The following DDX6 variants were observed in gnomAD, a reference collection of about 807,000 sequenced individuals.
DDX6 encodes the protein DEAD-box helicase 6, also known as probable ATP-dependent RNA helicase DDX6.
DDX6 carries 7 observed loss-of-function variants against 60.6 expected under a neutral mutation model. That is an observed-to-expected ratio of 0.12 (90% CI 0.07 to 0.22). DDX6 has a LOEUF of 0.22. Among genes scored for constraint, DDX6 ranks in the 10% least tolerant of loss-of-function variants. The probability of loss-of-function intolerance (pLI) is 1.00; values close to 1 mark genes in which losing one functional copy is unlikely to be tolerated. For synonymous variants in DDX6, 207 were observed against 201.0 expected, an observed-to-expected ratio of 1.03 and a Z score of -0.25; for missense variants, 270 against 589.9, an observed-to-expected ratio of 0.46 and a Z score of 5.62.
At chr11:118,791,182 C>A, upstream of DDX6, 1 of 152,264 alleles carries the variant, frequency 6.6e-6, no homozygotes, top group South Asian at 2.1e-4. Flanking sequence ...CCCTCGCTCG[C>A]CCGTTCGCCC....
rs544443223 is a variant in DDX6 at position 118,771,837 on chromosome 11, T to C, written c.370-3485A>G. Among the ~76,000 whole-genome samples the C allele has an allele frequency of 3.3e-5, 5 of 152,342 alleles. No homozygotes were observed. The East Asian group carries it at 9.6e-4, about 29-fold the overall frequency. ...TGGAGAAAATGGAACTCTCATACAC[T>C]GCTAGTGGGAATGTACAGCTACGCT... On this transcript the variant is annotated intron_variant, in intron 4 of 13. Transcript: ENST00000534980.
At chr11:118,763,976 A>C (rs1168215245) in intron 6 of DDX6, among the ~76,000 whole-genome samples, 1 of 152,050 alleles carries the variant, frequency 6.6e-6, no homozygotes, top group Non-Finnish European at 1.5e-5. Flanking sequence ...TATTTGTTTC[A>C]CCTCTACATT....
chr11:118,780,466 G>A (rs185507374), intron 3 of DDX6, among the ~76,000 whole-genome samples: 58 of 152,148 alleles, frequency 3.8e-4, no homozygotes, highest in African/African-American at 1.1e-3. Flanking sequence ...ACAGGCGCAC[G>A]CCACCACACC....
intron 6 of DDX6, among the ~76,000 whole-genome samples, chr11:118,764,317 A>G (rs1238830092): frequency 6.6e-6 from 1 of 152,190 alleles, no homozygotes; most frequent in Non-Finnish European, 1.5e-5. Context: ...CTTCATGAAA[A>G]TGAATACAGG....
At chr11:118,781,027 T>G (rs536012073) in intron 3 of DDX6, 94 bp downstream of exon 3, 1 of 795,164 alleles carries the variant, frequency 1.3e-6, no homozygotes, top group East Asian at 2.7e-5. Context: ...GGTGTTATGG[T>G]CCTGAAACCA....
chr11:118,784,438 G>C lies in DDX6; in HGVS notation c.200+1614C>G, dbSNP rs550980119. Among the ~76,000 whole-genome samples the C allele has an allele frequency of 2.6e-5, 4 of 151,790 alleles. No homozygotes were observed. In the East Asian group the frequency reaches 7.7e-4, roughly 29 times the overall value. Reference sequence around the variant, plus strand: ...GTCAACATCTTATAAAGATTCCCAGGGTTAAATTATTTTATATGGCAAGTT... The same window carrying C: ...GTCAACATCTTATAAAGATTCCCAGCGTTAAATTATTTTATATGGCAAGTT... On this transcript the variant is annotated intron_variant, in intron 2 of 13. Coordinates refer to ENST00000534980, the MANE Select transcript of DDX6 (RefSeq NM_004397.6).
intron 13 of DDX6, among the ~76,000 whole-genome samples, chr11:118,753,629 C>T (rs990294935): frequency 5.3e-5 from 8 of 152,030 alleles, no homozygotes; most frequent in African/African-American, 1.4e-4. Flanking sequence ...TGAGCCACCG[C>T]ACCCGGCCCA....
chr11:118,750,978 C>G lies in DDX6; in HGVS notation c.*1127G>C, dbSNP rs1346517876. 1.3e-5 allele frequency: 2 copies of G among 151,850 alleles called. No individual in the cohort carries two copies. The highest frequency in any genetic ancestry group is 4.9e-5 in the African/African-American group (2 of 41,174). The allele number at this position is 151,850 out of a possible 1,614,324, so 9.4% of individuals were successfully genotyped here. A position where few individuals can be genotyped will look rare whatever the true frequency, so the allele number is the denominator to read the frequency against. On this transcript the variant is annotated 3_prime_UTR_variant, in exon 14 of 14. Transcript: ENST00000534980. ...TTCTAGAATTTAGTGTTGCGTAAAA[C>G]TGAGCCCCTCTCATCTTTAGCTGCT...
chr11:118,775,081 G>A (rs976121460), intron 4 of DDX6, among the ~76,000 whole-genome samples: 2 of 152,148 alleles, frequency 1.3e-5, no homozygotes, highest in African/African-American at 2.4e-5. Context: ...TTGGGAGGCC[G>A]AGGAGAGTGG....
Position 118,786,270 on chromosome 11 carries a change from G to T in DDX6, c.-19C>A. On this transcript the variant is annotated 5_prime_UTR_variant, in exon 2 of 14. Transcript: ENST00000534980. ...TGCTCATGCTGTTTTAATTGCAAAGGTCTTTCAAACTTCAAAACTTTTGAA... is the reference window on the plus strand; with the variant it reads ...TGCTCATGCTGTTTTAATTGCAAAGTTCTTTCAAACTTCAAAACTTTTGAA... 1.3e-6 allele frequency: 2 copies of T among 1,578,948 alleles called. No individual in the cohort carries two copies. The highest frequency in any genetic ancestry group is 1.7e-6 in the Non-Finnish European group (2 of 1,162,494).
intron 4 of DDX6, among the ~76,000 whole-genome samples, chr11:118,771,732 G>C (rs1555162607): frequency 6.6e-6 from 1 of 152,250 alleles, no homozygotes; most frequent in Non-Finnish European, 1.5e-5. Flanking sequence ...AACAGGATTA[G>C]TTTGCCCAAG....
chr11:118,753,250 G>C (rs1381433281), intron 13 of DDX6, among the ~76,000 whole-genome samples: 2 of 151,046 alleles, frequency 1.3e-5, no homozygotes, highest in African/African-American at 4.9e-5. Context: ...GGCTGGTCTT[G>C]AAGTCCTGAC....
chr11:118,789,036 CCCTA>C (rs1862176260), intron 1 of DDX6: 1 of 151,162 alleles, frequency 6.6e-6, no homozygotes, highest in Admixed American at 6.6e-5. Context: ...GAAAACAAAG[CCCTA>C]CTCTGTTGGC....
chr11:118,771,121 AG>A (rs1413601582), intron 4 of DDX6, among the ~76,000 whole-genome samples: 5 of 152,132 alleles, frequency 3.3e-5, no homozygotes, highest in Non-Finnish European at 7.3e-5. Context: ...CTGTGGTGCC[AG>A]TAGTCTGTAG....
At chr11:118,774,527 GAC>G (rs1408704035) in intron 4 of DDX6, among the ~76,000 whole-genome samples, 1 of 140,208 alleles carries the variant, frequency 7.1e-6, no homozygotes, top group African/African-American at 2.7e-5. Flanking sequence ...GGAGTGCAGT[GAC>G]ACAATCCTGG....
rs1555160617 is a variant in DDX6 at position 118,763,204 on chromosome 11, G to C, written c.741+8C>G. ...AGAACAGTATAATGCCAAATGAAGA[G>C]ACATTACCTCATCCAATACTATCAT... On this transcript the variant is annotated splice_region_variant and intron_variant, in intron 7 of 13. Coordinates refer to ENST00000534980, the MANE Select transcript of DDX6 (RefSeq NM_004397.6). 6.3e-7 allele frequency: 1 copy of C among 1,581,356 alleles called. No individual in the cohort carries two copies. Among genetic ancestry groups the C allele is most frequent in the Non-Finnish European group, 8.6e-7 (1 of 1,162,290 alleles).
chr11:118,760,453 C>G (rs1396816330), intron 7 of DDX6, among the ~76,000 whole-genome samples: 2 of 152,170 alleles, frequency 1.3e-5, no homozygotes, highest in Non-Finnish European at 2.9e-5. Flanking sequence ...CAGGCACATA[C>G]CTCCATGCCC....
In DDX6 at chr11:118,785,946, G is replaced by T; in HGVS notation, c.200+106C>A. 5 of 1,027,110 alleles carry T rather than the reference G, an allele frequency of 4.9e-6. No individual in the cohort carries two copies. In the Middle Eastern group the frequency reaches 1.1e-3, roughly 229 times the overall value. 63.6% of individuals were successfully genotyped at this position (1,027,110 alleles called of 1,614,324 possible). ...AACAAAGTCATCTGTCCTCTATTTGGAATCAAAATGGTTAAATTAAGGCAT... is the reference window on the plus strand; with the variant it reads ...AACAAAGTCATCTGTCCTCTATTTGTAATCAAAATGGTTAAATTAAGGCAT... On this transcript the variant is annotated intron_variant, in intron 2 of 13. Coordinates refer to ENST00000534980, the MANE Select transcript of DDX6 (RefSeq NM_004397.6).
chr11:118,772,020 GT>G (rs58143939), intron 4 of DDX6, among the ~76,000 whole-genome samples: 60,151 of 151,308 alleles, frequency 0.4, 12,328 homozygotes, highest in Admixed American at 0.52. Flanking sequence ...TTCCTTCTAT[GT>G]TTTTTTTTAT....
Sources: allele counts gnomAD v4.1 joint callset (sites outside exome capture counted in the v4.1 genomes callset), GRCh38; gene constraint gnomAD v4.1.1; transcripts MANE v1.5; gene names NCBI Gene and HGNC (gene_info 2026-07-23, HGNC 2026-07-21).